FILIP1L: variants seen among roughly 807,000 people sequenced by gnomAD.
The protein encoded by FILIP1L is filamin A interacting protein 1 like, also known as filamin A-interacting protein 1-like.
Under a neutral mutation model 96.6 loss-of-function variants are expected in FILIP1L, and 55 were observed. That is an observed-to-expected ratio of 0.57 (90% CI 0.46 to 0.71). FILIP1L has a LOEUF of 0.71. Among genes scored for constraint, FILIP1L ranks in the 30% least tolerant of loss-of-function variants. FILIP1L has a pLI of 0.00. For synonymous variants in FILIP1L, 467 were observed against 473.9 expected, an observed-to-expected ratio of 0.99 and a Z score of 0.19; for missense variants, 1,304 against 1,321.2, an observed-to-expected ratio of 0.99 and a Z score of 0.20.
rs1468166560 is a variant in FILIP1L, at chr3:100,000,171, A to G, written c.-10-69141T>C. On this transcript the variant is annotated intron_variant, in intron 1 of 5. Coordinates refer to ENST00000477258, the MANE Select transcript of FILIP1L (RefSeq NM_001387850.1). Reference sequence around the variant, plus strand: ...TTAGCCTGGAATTTGTTCCACAAAAATTTCTTCCTGCCTTCTTCTGATCCT... The same window carrying G: ...TTAGCCTGGAATTTGTTCCACAAAAGTTTCTTCCTGCCTTCTTCTGATCCT... Among the ~76,000 whole-genome samples the G allele has an allele frequency of 2.0e-5, 3 of 152,152 alleles. No individual in the cohort carries two copies. The East Asian group carries it at 5.8e-4, about 29-fold the overall frequency.
chr3:100,074,689 T>TTTTTTTTTTTTTC (rs2065820943), intron 1 of FILIP1L, among the ~76,000 whole-genome samples: 1 of 100,550 alleles, frequency 9.9e-6, no homozygotes, highest in Non-Finnish European at 2.0e-5. Flanking sequence ...TTTTTTTTTT[T>TTTTTTTTTTTTTC]TTTTTTTTTT....
At chr3:99,843,814 C>T (rs1943240226) in intron 5 of FILIP1L, among the ~76,000 whole-genome samples, 1 of 152,194 alleles carries the variant, frequency 6.6e-6, no homozygotes, top group Non-Finnish European at 1.5e-5. Flanking sequence ...GGCAGGCAAG[C>T]GAGCATTACT....
chr3:99,983,214 A>G (rs1360794039), intron 1 of FILIP1L, among the ~76,000 whole-genome samples: 1 of 151,304 alleles, frequency 6.6e-6, no homozygotes, highest in African/African-American at 2.4e-5. Flanking sequence ...AGTAGCCAAG[A>G]AATCTCTCTA....
chr3:99,848,363 TG>T lies in FILIP1L; in HGVS notation c.3312del (p.Asn1105IlefsTer71), dbSNP rs866526364. 1 of 1,614,064 alleles carries T rather than the reference TG, an allele frequency of 6.2e-7. No individual in the cohort carries two copies. Among genetic ancestry groups the T allele is most frequent in the African/African-American group, 1.3e-5 (1 of 74,932 alleles). ...ATAGTAATACTGCTGGTGACTTTAT[TG>T]GTTGTTTTGTTTAGTGCCCCGTTAA... The part of the protein sequence containing the change: ...GLINGALNKT[T>X]NKVTSSITIT... On this transcript the variant is annotated frameshift_variant, in exon 5 of 6. Coordinates refer to ENST00000477258, the MANE Select transcript of FILIP1L (RefSeq NM_001387850.1). LOFTEE classifies it high-confidence loss of function.
intron 1 of FILIP1L, among the ~76,000 whole-genome samples, chr3:100,047,169 T>C (rs2065290752): frequency 6.6e-6 from 1 of 152,234 alleles, no homozygotes; most frequent in Admixed American, 6.5e-5. Flanking sequence ...TTTCTAGGGT[T>C]ATTTTCAGGA....
chr3:100,040,051 C>T (rs2065178121), intron 1 of FILIP1L: 1 of 152,226 alleles, frequency 6.6e-6, no homozygotes, highest in African/African-American at 2.4e-5. Context: ...CCGTGCCTGG[C>T]CTCATAGTTA....
At chr3:100,039,738 A>T (rs1416385549) in intron 1 of FILIP1L, 1 of 150,714 alleles carries the variant, frequency 6.6e-6, no homozygotes, top group Non-Finnish European at 1.5e-5. Context: ...GGTTTTCTTC[A>T]CAGTTAACGA....
At chr3:100,043,136 A>G (rs1021205897) in intron 1 of FILIP1L, among the ~76,000 whole-genome samples, 28 of 152,204 alleles carry the variant, frequency 1.8e-4, no homozygotes, top group African/African-American at 6.8e-4. Flanking sequence ...CTGTGTCTCA[A>G]ATTGACAAGA....
chr3:99,969,122 G>A (rs529301566), intron 1 of FILIP1L, among the ~76,000 whole-genome samples: 2 of 152,250 alleles, frequency 1.3e-5, no homozygotes, highest in South Asian at 4.1e-4. Context: ...ATGTGTGGAG[G>A]GCAGGGCAGG....
At position 99,910,157 on chromosome 3, in the gene FILIP1L, C is replaced by T. The variant is rs1027975959; in HGVS notation, c.605+14073G>A. Among the ~76,000 whole-genome samples, 11 of 136,364 alleles carry T rather than the reference C, an allele frequency of 8.1e-5. 2 individuals are homozygous for T. The highest frequency in any genetic ancestry group is 2.8e-4 in the African/African-American group (11 of 39,906). The allele number at this position is 136,364 out of a possible 152,430, so 89.5% of individuals were successfully genotyped here. A position where few individuals can be genotyped will look rare whatever the true frequency, so the allele number is the denominator to read the frequency against. ...AGTTGGTTTATACGTAATTTCTATT[C>T]TTTGACTTACAAGAACTTAAATCTT... On this transcript the variant is annotated intron_variant, in intron 4 of 5. Transcript: ENST00000477258.
chr3:99,890,511 A>G (rs749937853), intron 4 of FILIP1L, among the ~76,000 whole-genome samples: 3 of 152,020 alleles, frequency 2.0e-5, no homozygotes, highest in Non-Finnish European at 4.4e-5. Flanking sequence ...GACTTTCTTT[A>G]TCTTCACATC....
At chr3:99,967,392 A>G (rs1708685656) in intron 1 of FILIP1L, among the ~76,000 whole-genome samples, 1 of 152,244 alleles carries the variant, frequency 6.6e-6, no homozygotes, top group Non-Finnish European at 1.5e-5. Context: ...CGTGAAGAGT[A>G]AATAGAAGTG....
chr3:99,872,235 A>G (rs1225179808), intron 4 of FILIP1L, among the ~76,000 whole-genome samples: 1 of 147,512 alleles, frequency 6.8e-6, no homozygotes, highest in African/African-American at 2.5e-5. Flanking sequence ...TGCCCCTTCC[A>G]GCTGTAAAAT....
chr3:99,850,181 TCA>T lies in FILIP1L; in HGVS notation c.1493_1494del (p.Val498AspfsTer5). The T allele has an allele frequency of 6.2e-7, 1 of 1,611,398 alleles. No individual in the cohort carries two copies. Among genetic ancestry groups the T allele is most frequent in the Admixed American group, 1.7e-5 (1 of 59,646 alleles). ...ATTGTTTTCCGTTCATCTACAAACATCACAGTTAATGTTTTCAGTTTAGTTAA... is the reference window on the plus strand; with the variant it reads ...ATTGTTTTCCGTTCATCTACAAACATCAGTTAATGTTTTCAGTTTAGTTAA... ...EDLTKLKTLT[V>X]MFVDERKTMS... On this transcript the variant is annotated frameshift_variant, in exon 5 of 6. Coordinates refer to ENST00000477258, the MANE Select transcript of FILIP1L (RefSeq NM_001387850.1). LOFTEE classifies it high-confidence loss of function.
chr3:100,097,530 T>G (rs1397069445), intron 1 of FILIP1L, among the ~76,000 whole-genome samples: 3 of 152,204 alleles, frequency 2.0e-5, no homozygotes, highest in African/African-American at 7.2e-5. Flanking sequence ...TTTTTAGATA[T>G]TTGATGTCTT....
At chr3:99,960,006 T>TTTCCTC (rs764712433) in intron 1 of FILIP1L, among the ~76,000 whole-genome samples, 7 of 152,178 alleles carry the variant, frequency 4.6e-5, no homozygotes, top group Non-Finnish European at 7.4e-5. Flanking sequence ...TCCTTTCACC[T>TTTCCTC]TTCCTCCTTT....
intron 4 of FILIP1L, among the ~76,000 whole-genome samples, chr3:99,922,654 C>T (rs1356623594): frequency 6.6e-6 from 1 of 152,190 alleles, no homozygotes; most frequent in Non-Finnish European, 1.5e-5. Flanking sequence ...AGATTGGTTA[C>T]TTTCCATCTT....
intron 4 of FILIP1L, among the ~76,000 whole-genome samples, chr3:99,902,997 C>T (rs1706486854): frequency 6.6e-6 from 1 of 152,166 alleles, no homozygotes; most frequent in Non-Finnish European, 1.5e-5. Flanking sequence ...TCTGAGGTTT[C>T]ATGATTAAGG....
intron 1 of FILIP1L, among the ~76,000 whole-genome samples, chr3:100,088,451 T>C (rs1397491508): frequency 6.6e-6 from 1 of 152,232 alleles, no homozygotes; most frequent in Non-Finnish European, 1.5e-5. Context: ...AACTAAATTA[T>C]TCATTTTCTG....
Sources: gnomAD v4.1 joint callset for allele counts (sites outside exome capture counted in the v4.1 genomes callset) on GRCh38, gnomAD v4.1.1 for gene constraint, MANE v1.5 for transcripts, NCBI Gene and HGNC (gene_info 2026-07-23, HGNC 2026-07-21) for gene names.